The following KIF4A variants were observed in gnomAD, a reference collection of about 807,000 sequenced individuals.
KIF4A encodes kinesin family member 4A, also known as chromosome-associated kinesin KIF4A.
A neutral mutation model predicts 105.9 loss-of-function variants in KIF4A; 7 were observed. That is an observed-to-expected ratio of 0.07 (90% confidence interval 0.04 to 0.12). KIF4A has a LOEUF of 0.12. KIF4A is among the 10% of genes least tolerant of loss of function. The pLI is 1.00. For synonymous variants in KIF4A, 281 were observed against 331.3 expected (o/e 0.85, Z 1.65); for missense variants, 558 against 929.2 (o/e 0.60, Z 5.19).
chrX:70,419,549 C>A, intron 29 of KIF4A, 112 bp from the exon 30 acceptor site: 2 of 941,782 alleles, frequency 2.1e-6, no homozygotes, highest in East Asian at 3.1e-5. Flanking sequence ...AGACTTGCTT[C>A]AGCTGACTAA....
intron 23 of KIF4A, among the ~76,000 whole-genome samples, chrX:70,403,421 G>T (rs1456954736): frequency 8.9e-6 from 1 of 112,640 alleles, no homozygotes. Flanking sequence ...CAGATCTGCA[G>T]TCTCAGTCTA....
intron 28 of KIF4A, 142 bp from the exon 29 acceptor site, chrX:70,417,746 G>A: frequency 2.5e-6 from 1 of 404,396 alleles, no homozygotes; most frequent in Non-Finnish European, 4.3e-6. Flanking sequence ...CACCAAAGAA[G>A]AGAGGACTAA....
At chrX:70,368,805 G>T (rs1287664774) in intron 15 of KIF4A, among the ~76,000 whole-genome samples, 2 of 112,020 alleles carry the variant, frequency 1.8e-5, no homozygotes, top group Non-Finnish European at 3.8e-5. Flanking sequence ...AGTCTGCAGG[G>T]GTTTCTGCTG....
intron 7 of KIF4A, 125 bp downstream of exon 7, chrX:70,302,523 C>T (rs1444298153): frequency 1.5e-6 from 1 of 667,713 alleles, no homozygotes; most frequent in African/African-American, 2.2e-5. Flanking sequence ...AGATTTGAGG[C>T]TGAGTTCAGA....
chrX:70,399,961 AAACAAC>A lies in KIF4A; in HGVS notation c.2490-2590_2490-2585del, dbSNP rs199581172. ...TTAAAGTATAATAATAATAAAATAA[AAACAAC>A]AACAACAACAACAAAGTTTATTAAT... On this transcript the variant is annotated intron_variant, in intron 22 of 30. Transcript: ENST00000374403. Among the ~76,000 whole-genome samples the A allele has an allele frequency of 1.6e-4, 17 of 105,287 alleles. No individual in the cohort carries two copies. The East Asian group carries it at 3.4e-3, about 21-fold the overall frequency. The allele number at this position is 105,287 out of a possible 115,157, so 91.4% of individuals were successfully genotyped here.
At chrX:70,348,297 A>G (rs1228022365) in intron 13 of KIF4A, among the ~76,000 whole-genome samples, 1 of 111,446 alleles carries the variant, frequency 9.0e-6, no homozygotes, top group Non-Finnish European at 1.9e-5. Flanking sequence ...ATAAAATAAA[A>G]TGAGACCATC....
At chrX:70,337,433 A>T (rs2085954681) in intron 10 of KIF4A, among the ~76,000 whole-genome samples, 1 of 111,620 alleles carries the variant, frequency 9.0e-6, no homozygotes, top group Non-Finnish European at 1.9e-5. Flanking sequence ...CACTTTGGGA[A>T]GCAAAGGTGG....
At chrX:70,373,409 TGTG>T (rs1351098529) in intron 15 of KIF4A, among the ~76,000 whole-genome samples, 5 of 86,299 alleles carry the variant, frequency 5.8e-5, no homozygotes, top group African/African-American at 1.3e-4. Flanking sequence ...AAGAGCCAGA[TGTG>T]GTGGCACACA....
intron 15 of KIF4A, among the ~76,000 whole-genome samples, chrX:70,354,959 G>A (rs1163398838): frequency 8.9e-6 from 1 of 111,971 alleles, no homozygotes; most frequent in Non-Finnish European, 1.9e-5. Context: ...CTGGGGTTGG[G>A]AGGAGGAGGA....
At chrX:70,400,763 GT>G (rs919620387) in intron 22 of KIF4A, among the ~76,000 whole-genome samples, 20 of 106,437 alleles carry the variant, frequency 1.9e-4, no homozygotes, top group Non-Finnish European at 3.1e-4. Context: ...ATAGGTTTAT[GT>G]TTTTTTTTTG....
chrX:70,321,320 C>T (rs183801293), intron 7 of KIF4A, among the ~76,000 whole-genome samples: 1 of 112,426 alleles, frequency 8.9e-6, no homozygotes, highest in East Asian at 2.8e-4. Flanking sequence ...TAAGACTCAA[C>T]TTAAGTGTTG....
At chrX:70,412,225 T>C (rs184867846) in intron 28 of KIF4A, among the ~76,000 whole-genome samples, 56 of 111,625 alleles carry the variant, frequency 5.0e-4, no homozygotes, top group South Asian at 3.8e-3. Flanking sequence ...AGACTTCTAG[T>C]AGGGGGAAGC....
rs763843946 is a variant in KIF4A at position 70,317,846 on chromosome X, C to G, written c.779-11559C>G. Among the ~76,000 whole-genome samples the G allele has an allele frequency of 2.1e-4, 22 of 106,427 alleles. No individual in the cohort carries two copies. In the South Asian group the frequency reaches 9.0e-3, roughly 44 times the overall value. The allele number at this position is 106,427 out of a possible 115,157, so 92.4% of individuals were successfully genotyped here. On this transcript the variant is annotated intron_variant, in intron 7 of 30. Coordinates refer to ENST00000374403, the MANE Select transcript of KIF4A (RefSeq NM_012310.5). ...GGCGTAAGCCACCACACCTGGCCCC[C>G]CTTGCTTGCTTGCTTTTCTTTTCTT... is the stretch of plus-strand genomic sequence containing the variant.
At chrX:70,360,502 G>T (rs1279330056) in intron 15 of KIF4A, among the ~76,000 whole-genome samples, 1 of 113,120 alleles carries the variant, frequency 8.8e-6, no homozygotes, top group East Asian at 2.8e-4. Context: ...AGCCACGTGG[G>T]TGGTCCTTGT....
intron 11 of KIF4A, 118 bp from the exon 12 acceptor site, chrX:70,343,585 C>A: frequency 1.7e-6 from 1 of 597,530 alleles, no homozygotes. Context: ...ACTAAATCCT[C>A]TGTTACAGCA....
chrX:70,290,398 A>G lies in KIF4A; in HGVS notation c.-21-40A>G, dbSNP rs2085753796. The stretch of plus-strand genomic sequence containing the variant: ...GACGCCCTCCCACCCCTGCTGACCT[A>G]CTAACATTCATCAGCGAGCCTTCTT... On this transcript the variant is annotated intron_variant, in intron 1 of 30. Coordinates refer to ENST00000374403, the MANE Select transcript of KIF4A (RefSeq NM_012310.5). 3.4e-6 allele frequency: 4 copies of G among 1,181,683 alleles called. No individual in the cohort carries two copies. The South Asian group carries it at 5.7e-5, about 17-fold the overall frequency.
intron 15 of KIF4A, among the ~76,000 whole-genome samples, chrX:70,373,542 A>ACG (rs1329144082): frequency 1.9e-5 from 1 of 52,291 alleles, no homozygotes; most frequent in Admixed American, 2.7e-4. Flanking sequence ...ATATATATAT[A>ACG]TATATATATA....
At chrX:70,404,888 G>T (rs1447687689) in intron 25 of KIF4A, 66 bp downstream of exon 25, 1 of 725,062 alleles carries the variant, frequency 1.4e-6, no homozygotes, top group African/African-American at 2.1e-5. Flanking sequence ...GTCTCATTTA[G>T]ACCCTTGTAC....
At chrX:70,380,333 T>C (rs1288030201) in intron 18 of KIF4A, among the ~76,000 whole-genome samples, 2 of 111,844 alleles carry the variant, frequency 1.8e-5, no homozygotes, top group Non-Finnish European at 3.8e-5. Flanking sequence ...GATACACTTA[T>C]GACCAAGTGA....
Sources: allele counts gnomAD v4.1 joint callset (sites outside exome capture counted in the v4.1 genomes callset), GRCh38; gene constraint gnomAD v4.1.1; transcripts MANE v1.5; gene names NCBI Gene and HGNC (gene_info 2026-07-23, HGNC 2026-07-21).